CEBPZ: variants seen among roughly 807,000 people sequenced by gnomAD.
CEBPZ encodes the protein CCAAT/enhancer-binding protein zeta.
A neutral mutation model predicts 104.5 loss-of-function variants in CEBPZ; 78 were observed. The observed-to-expected ratio is 0.75, with a 90% CI of 0.62 to 0.90. CEBPZ has a LOEUF of 0.90. CEBPZ is among the 40% of genes least tolerant of loss of function. The pLI is 0.00. For missense variants in CEBPZ, 1,439 were observed against 1,233.5 expected (o/e 1.17, Z -2.50); for synonymous variants, 470 against 427.0 (o/e 1.10, Z -1.24).
At chr2:37,219,319 A>T (rs1664710236) in intron 5 of CEBPZ, among the ~76,000 whole-genome samples, 1 of 152,220 alleles carries the variant, frequency 6.6e-6, no homozygotes, top group South Asian at 2.1e-4. Flanking sequence ...TATGCACACG[A>T]AATACTAAAA....
In CEBPZ at chr2:37,211,000, T is replaced by C; in HGVS notation, c.2883A>G (p.Gln961=). The C allele has an allele frequency of 6.2e-7, 1 of 1,606,344 alleles. No homozygotes were observed. Among genetic ancestry groups the C allele is most frequent in the Non-Finnish European group, 8.5e-7 (1 of 1,175,362 alleles). Residue 961 remains glutamine (Q), a splice_region_variant and synonymous_variant, in exon 13 of 16, where the codon CAA becomes CAG. Transcript: ENST00000234170. ...AAGATATTAAATGTATTTTCTTACC[T>C]TGAAATGAGCCAGCAAAGTCAAAAT... ...TDDFDFAGSF[Q]GPRKKKRNLN... is the part of the protein sequence containing the mutation.
Position 37,217,065 on chromosome 2 carries a change from A to G in CEBPZ, c.2155-28T>C, listed in dbSNP as rs111939746. ...AAAAAGAAAAATGTGAATAATATCAATATTTCTAAGGTCGACTCTTAGTAC... is the reference window on the plus strand; with the variant it reads ...AAAAAGAAAAATGTGAATAATATCAGTATTTCTAAGGTCGACTCTTAGTAC... On this transcript the variant is annotated intron_variant, in intron 5 of 15. Coordinates refer to ENST00000234170, the MANE Select transcript of CEBPZ (RefSeq NM_005760.3). 91 of 1,583,320 alleles carry G rather than the reference A, an allele frequency of 5.7e-5. No homozygotes were observed. In the African/African-American group the frequency reaches 7.3e-4, roughly 13 times the overall value.
chr2:37,230,877 A>G (rs188603255), intron 1 of CEBPZ, among the ~76,000 whole-genome samples: 1 of 152,118 alleles, frequency 6.6e-6, no homozygotes, highest in African/African-American at 2.4e-5. Context: ...ATCTCATTTA[A>G]TACTAACGCG....
At position 37,231,574 on chromosome 2, in the gene CEBPZ, C is replaced by G; in HGVS notation, c.-7G>C. ...GCTCCTTGACTGCGGCCATGGCGGG[C>G]AAAGCATACGCGCGTGAAACTCAGC... On this transcript the variant is annotated 5_prime_UTR_variant, in exon 1 of 16. Transcript: ENST00000234170. The G allele has an allele frequency of 6.2e-7, 1 of 1,614,222 alleles. No individual in the cohort carries two copies. Among genetic ancestry groups the G allele is most frequent in the Non-Finnish European group, 8.5e-7 (1 of 1,180,042 alleles).
chr2:37,216,551 A>T (rs959690192), intron 6 of CEBPZ, 133 bp from the exon 7 acceptor site: 18 of 659,240 alleles, frequency 2.7e-5, no homozygotes, highest in Non-Finnish European at 4.7e-5. Context: ...GACTCTTCAA[A>T]TATCTCTCTC....
rs774897341 is a variant in CEBPZ at position 37,202,830 on chromosome 2, C to T, written c.2979G>A (p.Lys993=). Residue 993 remains lysine (K), a synonymous_variant, in exon 15 of 16, where the codon AAG becomes AAA. Coordinates refer to ENST00000234170, the MANE Select transcript of CEBPZ (RefSeq NM_005760.3). ...TGGCATTCATGCCAATGTTATCAAA[C>T]TTGGATCCCATATTTTCATCCAATA... ...GHLLDENMGS[K]FDNIGMNAMA... 1.2e-6 allele frequency: 2 copies of T among 1,601,870 alleles called. No homozygotes were observed. The highest frequency in any genetic ancestry group is 2.3e-5 in the South Asian group (2 of 88,444).
intron 9 of CEBPZ, 31 bp downstream of exon 9, chr2:37,214,855 T>TC (rs989094877): frequency 1.4e-6 from 2 of 1,405,312 alleles, no homozygotes; most frequent in Admixed American, 2.0e-5. Flanking sequence ...TTTAGCAGTT[T>TC]CCCCAAATGA....
chr2:37,227,203 C>T (rs1467617296), intron 2 of CEBPZ, among the ~76,000 whole-genome samples: 1 of 152,224 alleles, frequency 6.6e-6, no homozygotes, highest in African/African-American at 2.4e-5. Context: ...GCAATTATAT[C>T]TGCAATTTTA....
At chr2:37,214,465 G>T (rs1206297428) in intron 9 of CEBPZ, among the ~76,000 whole-genome samples, 1 of 151,908 alleles carries the variant, frequency 6.6e-6, no homozygotes, top group Non-Finnish European at 1.5e-5. Context: ...TAAACTTAAA[G>T]TATTATATTA....
At chr2:37,216,642 G>C (rs1356213585) in intron 6 of CEBPZ, among the ~76,000 whole-genome samples, 1 of 152,130 alleles carries the variant, frequency 6.6e-6, no homozygotes, top group Non-Finnish European at 1.5e-5. Context: ...TTGATGGATA[G>C]ACTAATATTA....
chr2:37,228,329 A>G lies in CEBPZ; in HGVS notation c.864T>C (p.Thr288=). Residue 288 remains threonine (T), a synonymous_variant, in exon 2 of 16, where the codon ACT becomes ACC. Coordinates refer to ENST00000234170, the MANE Select transcript of CEBPZ (RefSeq NM_005760.3). The part of the protein sequence containing the change: ...SKQQCLMALD[T]FKELLITDLL... Reference sequence around the variant, plus strand: ...GGTCTGTGATAAGCAACTCTTTGAAAGTATCCAAGGCCATAAGGCACTGCT... The same window carrying G: ...GGTCTGTGATAAGCAACTCTTTGAAGGTATCCAAGGCCATAAGGCACTGCT... 2.5e-6 allele frequency: 4 copies of G among 1,614,232 alleles called. No individual in the cohort carries two copies. The highest frequency in any genetic ancestry group is 1.7e-6 in the Non-Finnish European group (2 of 1,180,040).
At chr2:37,206,278 A>T (rs1417039493) in intron 13 of CEBPZ, among the ~76,000 whole-genome samples, 1 of 152,260 alleles carries the variant, frequency 6.6e-6, no homozygotes, top group Non-Finnish European at 1.5e-5. Context: ...TTCCTAAATG[A>T]AGGAGAGATA....
At chr2:37,214,069 G>C in intron 9 of CEBPZ, 108 bp from the exon 10 acceptor site, 1 of 511,742 alleles carries the variant, frequency 2.0e-6, no homozygotes, top group Non-Finnish European at 3.3e-6. Context: ...AAAATCTTAA[G>C]TATACTCAAT....
chr2:37,214,547 CA>C (rs1179624860), intron 9 of CEBPZ, among the ~76,000 whole-genome samples: 1 of 151,640 alleles, frequency 6.6e-6, no homozygotes, highest in African/African-American at 2.4e-5. Flanking sequence ...GGCTAAATTC[CA>C]AAAAGAAGCA....
chr2:37,210,029 C>T (rs1316208726), intron 13 of CEBPZ: 1 of 152,124 alleles, frequency 6.6e-6, no homozygotes, highest in East Asian at 1.9e-4. Flanking sequence ...AAGAAATGCT[C>T]AACATCCCTG....
In CEBPZ at chr2:37,202,932, A is replaced by G. The variant is rs201567647; in HGVS notation, c.2943+18T>C. The G allele has an allele frequency of 4.1e-4, 655 of 1,595,776 alleles. 1 individual carries two copies. The highest frequency in any genetic ancestry group is 4.7e-4 in the Non-Finnish European group (555 of 1,170,174). On this transcript the variant is annotated intron_variant, in intron 14 of 15. Coordinates refer to ENST00000234170, the MANE Select transcript of CEBPZ (RefSeq NM_005760.3). Reference sequence around the variant, plus strand: ...AATGTAGAATAGCTAGCTTGTTAAAACAGTACATTAGCCTTACCTCTTCAG... The same window carrying G: ...AATGTAGAATAGCTAGCTTGTTAAAGCAGTACATTAGCCTTACCTCTTCAG...
chr2:37,216,140 C>G lies in CEBPZ; in HGVS notation c.2380G>C (p.Val794Leu). The change falls in exon 8 of 16, where the codon GTG becomes CTG. Residue 794 changes from valine (V) to leucine (L), a missense_variant and splice_region_variant. Val to Leu is a conservative substitution (Grantham distance 32). Transcript: ENST00000234170. ...TCAACTGTCTAAGGTTTATACTTAC[C>G]AGGAAGATGACGAATATCCTTAATA... ...HFIKDIRHLP[V>L]NSKEFLAKEE... The G allele has an allele frequency of 6.2e-7, 1 of 1,607,154 alleles. No homozygotes were observed. The highest frequency in any genetic ancestry group is 1.7e-5 in the Admixed American group (1 of 59,874).
At chr2:37,209,815 AAAAT>A (rs1216815744) in intron 13 of CEBPZ, 3 of 152,246 alleles carry the variant, frequency 2.0e-5, no homozygotes, top group African/African-American at 4.8e-5. Flanking sequence ...TCTGCATAGC[AAAAT>A]AAATAATCAG....
intron 5 of CEBPZ, 126 bp downstream of exon 5, chr2:37,220,259 G>C (rs1664737606): frequency 3.8e-6 from 1 of 262,396 alleles, no homozygotes; most frequent in African/African-American, 2.3e-5. Flanking sequence ...GGACGTTACA[G>C]TGAGCCACAA....
Sources: gnomAD v4.1 joint callset for allele counts (sites outside exome capture counted in the v4.1 genomes callset) on GRCh38, gnomAD v4.1.1 for gene constraint, MANE v1.5 for transcripts, NCBI Gene and HGNC (gene_info 2026-07-23, HGNC 2026-07-21) for gene names.